Variants in LRP1B observed in about 807,000 individuals in gnomAD.
LRP1B encodes the protein low-density lipoprotein receptor-related protein 1B.
A neutral mutation model predicts 556.6 loss-of-function variants in LRP1B; 217 were observed. That is an observed-to-expected ratio of 0.39 (90% CI 0.35 to 0.44). The LOEUF is 0.44. LRP1B is among the 20% of genes least tolerant of loss of function. LRP1B has a pLI of 1.00. For synonymous variants in LRP1B, 2,047 were observed against 1,865.8 expected (o/e 1.10, Z -2.50); for missense variants, 5,053 against 5,620.8 (o/e 0.90, Z 3.23).
chr2:141,383,385 A>G (rs1377195960), intron 3 of LRP1B, among the ~76,000 whole-genome samples: 1 of 152,176 alleles, frequency 6.6e-6, no homozygotes, highest in African/African-American at 2.4e-5. Context: ...GAAAAAAATA[A>G]ATGTGTCAAA....
intron 25 of LRP1B, among the ~76,000 whole-genome samples, chr2:140,880,350 G>A (rs1301277433): frequency 1.3e-5 from 2 of 151,966 alleles, no homozygotes; most frequent in East Asian, 1.9e-4. Context: ...GTTTAAAACG[G>A]GATTCATGGT....
At chr2:140,833,892 C>G (rs111606119) in intron 31 of LRP1B, among the ~76,000 whole-genome samples, 2,812 of 152,114 alleles carry the variant, frequency 0.018, 43 homozygotes, top group South Asian at 0.051. Flanking sequence ...GAATCAAAAC[C>G]ATAAGCACAG....
At chr2:142,041,950 C>A (rs111509255) in intron 1 of LRP1B, among the ~76,000 whole-genome samples, 1 of 151,380 alleles carries the variant, frequency 6.6e-6, no homozygotes, top group Non-Finnish European at 1.5e-5. Context: ...TTACACTGTG[C>A]CTTGTTGTAG....
At chr2:142,075,734 C>T (rs1437574406) in intron 1 of LRP1B, among the ~76,000 whole-genome samples, 1 of 152,060 alleles carries the variant, frequency 6.6e-6, no homozygotes, top group Non-Finnish European at 1.5e-5. Context: ...CGCCTCTATT[C>T]CTCTCTCCCT....
At chr2:141,431,595 T>C (rs1445699274) in intron 3 of LRP1B, among the ~76,000 whole-genome samples, 1 of 152,166 alleles carries the variant, frequency 6.6e-6, no homozygotes, top group Admixed American at 6.6e-5. Context: ...ATTTAAACAA[T>C]AGGAAGTCTG....
chr2:140,789,461 C>T (rs1248313759), intron 32 of LRP1B, among the ~76,000 whole-genome samples: 3 of 152,050 alleles, frequency 2.0e-5, no homozygotes, highest in East Asian at 1.9e-4. Context: ...CTCTGTTTAA[C>T]CCTTCAACTG....
intron 2 of LRP1B, among the ~76,000 whole-genome samples, chr2:141,779,709 A>C (rs1354670566): frequency 6.6e-6 from 1 of 152,068 alleles, no homozygotes; most frequent in East Asian, 1.9e-4. Flanking sequence ...GAAACAACCT[A>C]CTGTTCTAGG....
intron 7 of LRP1B, among the ~76,000 whole-genome samples, chr2:141,160,030 T>C (rs1679933894): frequency 6.6e-6 from 1 of 151,844 alleles, no homozygotes; most frequent in South Asian, 2.1e-4. Flanking sequence ...AGAGGGCAGG[T>C]CAATAGGTGC....
At chr2:141,402,160 G>A (rs1296033146) in intron 3 of LRP1B, among the ~76,000 whole-genome samples, 1 of 151,900 alleles carries the variant, frequency 6.6e-6, no homozygotes, top group Admixed American at 6.6e-5. Context: ...TTTTTTTCTA[G>A]CTTTAAATCA....
chr2:141,856,103 A>G (rs946036215), intron 1 of LRP1B, among the ~76,000 whole-genome samples: 1 of 152,174 alleles, frequency 6.6e-6, no homozygotes, highest in Middle Eastern at 3.2e-3. Context: ...AATACCATAT[A>G]TAAAAAATGT....
intron 29 of LRP1B, 49 bp from the exon 30 acceptor site, chr2:140,841,141 G>C (rs1692092176): frequency 1.6e-6 from 2 of 1,228,464 alleles, no homozygotes; most frequent in Middle Eastern, 2.0e-4. Flanking sequence ...GTTTTTCATT[G>C]TACTGGCTCT....
At chr2:142,064,542 T>C (rs1705033483) in intron 1 of LRP1B, among the ~76,000 whole-genome samples, 1 of 151,592 alleles carries the variant, frequency 6.6e-6, no homozygotes, top group South Asian at 2.1e-4. Flanking sequence ...GGGATTGTAG[T>C]AATATCATGA....
intron 35 of LRP1B, among the ~76,000 whole-genome samples, chr2:140,737,911 A>C (rs897374620): frequency 6.6e-6 from 1 of 152,224 alleles, no homozygotes; most frequent in African/African-American, 2.4e-5. Context: ...GAGCAGATTA[A>C]TAAAGCCTCA....
chr2:142,067,827 T>C (rs1705161727), intron 1 of LRP1B, among the ~76,000 whole-genome samples: 1 of 151,626 alleles, frequency 6.6e-6, no homozygotes, highest in Non-Finnish European at 1.5e-5. Flanking sequence ...TTGCTGTGGC[T>C]ACTTTAAACA....
intron 1 of LRP1B, among the ~76,000 whole-genome samples, chr2:142,088,544 TTC>T (rs1706035117): frequency 6.6e-6 from 1 of 152,204 alleles, no homozygotes; most frequent in East Asian, 1.9e-4. Context: ...TCTAATATTC[TTC>T]CATATCAGGA....
At chr2:140,418,804 GT>G (rs1366038732) in intron 66 of LRP1B, among the ~76,000 whole-genome samples, 7 of 152,058 alleles carry the variant, frequency 4.6e-5, no homozygotes, top group Non-Finnish European at 1.0e-4. Flanking sequence ...AAAATGTAAT[GT>G]GGCTTGAATC....
At chr2:140,353,095 AG>A in intron 75 of LRP1B, 23 bp from the exon 76 acceptor site, 1 of 1,611,638 alleles carries the variant, frequency 6.2e-7, no homozygotes, top group Non-Finnish European at 8.5e-7. Context: ...AGCTCAAAAT[AG>A]CATCATCATA....
At chr2:141,285,745 C>T (rs181625256) in intron 3 of LRP1B, among the ~76,000 whole-genome samples, 1,933 of 144,300 alleles carry the variant, frequency 0.013, 33 homozygotes, top group African/African-American at 0.039. Context: ...TGTGAGCCAC[C>T]GAGCCCGGCC....
intron 41 of LRP1B, among the ~76,000 whole-genome samples, chr2:140,667,822 T>C (rs1043657625): frequency 4.6e-5 from 7 of 152,224 alleles, no homozygotes; most frequent in Non-Finnish European, 8.8e-5. Context: ...TTTACAGTTA[T>C]TTACGAACTT....
Sources: gnomAD v4.1 joint callset for allele counts (sites outside exome capture counted in the v4.1 genomes callset) on GRCh38, gnomAD v4.1.1 for gene constraint, MANE v1.5 for transcripts, NCBI Gene and HGNC (gene_info 2026-07-23, HGNC 2026-07-21) for gene names.